The following ADM5 variants were observed in gnomAD, a reference collection of about 807,000 sequenced individuals.
ADM5 encodes putative adrenomedullin-5-like protein.
A neutral mutation model predicts 2.9 loss-of-function variants in ADM5; 1 was observed. The ratio of observed to expected loss-of-function variants is 0.35; its 90% CI spans 0.12 to 1.65. ADM5 has a LOEUF of 1.65. Ranked by LOEUF, ADM5 falls within the 40% of genes most tolerant of loss-of-function variation. The probability of loss-of-function intolerance (pLI) is 0.36; values close to 1 mark genes in which losing one functional copy is unlikely to be tolerated. For synonymous variants in ADM5, 90 were observed against 91.1 expected, an observed-to-expected ratio of 0.99 and a Z score of 0.07; for missense variants, 192 against 205.2, an observed-to-expected ratio of 0.94 and a Z score of 0.39.
In ADM5 at chr19:49,689,785, G is replaced by C; in HGVS notation, c.-53G>C. ...GAGGCGATCAGCCCGGTGCGGGAAC[G>C]GGGCGGGGTGGCCGCAACTACGGGC... On this transcript the variant is annotated 5_prime_UTR_variant, in exon 1 of 2. Coordinates refer to ENST00000420022, the MANE Select transcript of ADM5 (RefSeq NM_001101340.2). The C allele has an allele frequency of 2.5e-6, 4 of 1,605,554 alleles. No homozygotes were observed. In the South Asian group the frequency reaches 3.3e-5, roughly 13 times the overall value.
Position 49,690,436 on chromosome 19 carries a change from T to A in ADM5, c.405T>A (p.Ser135=). The A allele has an allele frequency of 6.5e-7, 1 of 1,545,476 alleles. No individual in the cohort carries two copies. The highest frequency in any genetic ancestry group is 8.8e-7 in the Non-Finnish European group (1 of 1,142,648). Residue 135 remains serine, a synonymous_variant, in exon 2 of 2, where the codon TCT becomes TCA. Transcript: ENST00000420022. This position sits in a 1 kb window ranked among gnomAD's most constrained non-coding sequence, Gnocchi z 4.4. ...TGGAGCTTCTACTCCACATTTCTTC[T>A]CCCCTAACTCCAGCCCCTGAAACCG... ...CMLELLLHIS[S]PLTPAPETVF... is the part of the protein sequence containing the mutation.
Position 49,690,574 on chromosome 19 carries a change from C to A in ADM5, c.*81C>A. On this transcript the variant is annotated 3_prime_UTR_variant, in exon 2 of 2. Coordinates refer to ENST00000420022, the MANE Select transcript of ADM5 (RefSeq NM_001101340.2). The surrounding 1 kb of genome is among the most constrained non-coding windows in gnomAD (Gnocchi z 4.4). ...CCGAATAAACAAGAGTTCCGTGTTT[C>A]AGTCTCTGCTTCTCTGTACCTATTT... The A allele has an allele frequency of 7.8e-7, 1 of 1,279,756 alleles. No individual in the cohort carries two copies. The highest frequency in any genetic ancestry group is 1.1e-6 in the Non-Finnish European group (1 of 944,262). The allele number at this position is 1,279,756 out of a possible 1,614,324, so 79.3% of individuals were successfully genotyped here.
At chr19:49,689,993 C>G in intron 1 of ADM5, 82 bp downstream of exon 1, 3 of 1,609,014 alleles carry the variant, frequency 1.9e-6, no homozygotes. Context: ...GCGGAACGGG[C>G]AGGTGATCTG....
chr19:49,689,707 C>A lies in ADM5; in HGVS notation c.-131C>A, dbSNP rs1227299514. ...CCACAGACTTTTGGCCTCAGTGTTCCCCGCCTGGGAAGTGGGGACTGGCCC... is the reference window on the plus strand; with the variant it reads ...CCACAGACTTTTGGCCTCAGTGTTCACCGCCTGGGAAGTGGGGACTGGCCC... On this transcript the variant is annotated 5_prime_UTR_variant, in exon 1 of 2. Transcript: ENST00000420022. 13 of 1,190,012 alleles carry A rather than the reference C, an allele frequency of 1.1e-5. No homozygotes were observed. Among genetic ancestry groups the A allele is most frequent in the Middle Eastern group, 2.1e-4 (1 of 4,676 alleles). 73.7% of individuals were successfully genotyped at this position (1,190,012 alleles called of 1,614,324 possible).
Position 49,690,286 on chromosome 19 carries a change from C to T in ADM5, c.255C>T (p.Gly85=). The change falls in exon 2 of 2, where the codon GGC becomes GGT. Residue 85 remains glycine, a synonymous_variant. Coordinates refer to ENST00000420022, the MANE Select transcript of ADM5 (RefSeq NM_001101340.2). This position sits in a 1 kb window ranked among gnomAD's most constrained non-coding sequence, Gnocchi z 4.4. ...TATGGGCGCCGCCGGTGGCGCGAGG[C>T]GGAAGCCCGGCTCGGTTCCCAGGAT... ...LQLWAPPVAR[G]GSPARFPGFR... is the part of the protein sequence containing the mutation. The T allele has an allele frequency of 6.4e-7, 1 of 1,551,418 alleles. No individual in the cohort carries two copies. The highest frequency in any genetic ancestry group is 1.2e-5 in the South Asian group (1 of 84,026).
chr19:49,690,270 C>A lies in ADM5; in HGVS notation c.239C>A (p.Pro80Gln). 1.3e-6 allele frequency: 2 copies of A among 1,551,560 alleles called. No individual in the cohort carries two copies. Among genetic ancestry groups the A allele is most frequent in the Middle Eastern group, 1.7e-4 (1 of 5,990 alleles). The change falls in exon 2 of 2, where the codon CCG becomes CAG. Residue 80 changes from proline to glutamine, a missense_variant. Pro to Gln is a moderately conservative substitution (Grantham distance 76). Coordinates refer to ENST00000420022, the MANE Select transcript of ADM5 (RefSeq NM_001101340.2). This position sits in a 1 kb window ranked among gnomAD's most constrained non-coding sequence, Gnocchi z 4.4. ...CCAGGACCCCTACAGCTATGGGCGC[C>A]GCCGGTGGCGCGAGGCGGAAGCCCG... ...RAPGPLQLWA[P>Q]PVARGGSPAR...
chr19:49,690,341 T>A lies in ADM5; in HGVS notation c.310T>A (p.Cys104Ser). The change falls in exon 2 of 2, where the codon TGC becomes AGC. Residue 104 changes from cysteine (C) to serine (S), a missense_variant. By Grantham distance (112) the Cys-to-Ser change is moderately radical. Coordinates refer to ENST00000420022, the MANE Select transcript of ADM5 (RefSeq NM_001101340.2). The surrounding 1 kb of genome is among the most constrained non-coding windows in gnomAD (Gnocchi z 4.4). ...GCCTGCAGCGAGGGGGCTAGCGCAG[T>A]GCCCAGCTCGCTGGGTGACCTCGGG... ...FRPAARGLAQ[C>S]PARWVTSGTA... The A allele has an allele frequency of 6.4e-7, 1 of 1,551,518 alleles. No individual in the cohort carries two copies. The highest frequency in any genetic ancestry group is 1.4e-5 in the African/African-American group (1 of 73,174).
At position 49,690,554 on chromosome 19, in the gene ADM5, T is replaced by A. The variant is rs1018592230; in HGVS notation, c.*61T>A. ...AAGAACACTGACGCCCAGAGCCGAA[T>A]AAACAAGAGTTCCGTGTTTCAGTCT... On this transcript the variant is annotated 3_prime_UTR_variant, in exon 2 of 2. Transcript: ENST00000420022. This position sits in a 1 kb window ranked among gnomAD's most constrained non-coding sequence, Gnocchi z 4.4. 1.5e-6 allele frequency: 2 copies of A among 1,367,360 alleles called. No individual in the cohort carries two copies. The highest frequency in any genetic ancestry group is 2.0e-6 in the Non-Finnish European group (2 of 1,022,668). 84.7% of individuals were successfully genotyped at this position (1,367,360 alleles called of 1,614,324 possible).
At position 49,690,436 on chromosome 19, in the gene ADM5, T is replaced by C; in HGVS notation, c.405T>C (p.Ser135=). The C allele has an allele frequency of 6.5e-7, 1 of 1,545,476 alleles. No individual in the cohort carries two copies. Among genetic ancestry groups the C allele is most frequent in the Non-Finnish European group, 8.8e-7 (1 of 1,142,648 alleles). Residue 135 remains serine, a synonymous_variant, in exon 2 of 2, where the codon TCT becomes TCC. Transcript: ENST00000420022. This position sits in a 1 kb window ranked among gnomAD's most constrained non-coding sequence, Gnocchi z 4.4. The part of the protein sequence containing the change: ...CMLELLLHIS[S]PLTPAPETVF... ...TGGAGCTTCTACTCCACATTTCTTC[T>C]CCCCTAACTCCAGCCCCTGAAACCG...
Position 49,689,700 on chromosome 19 carries a change from A to G in ADM5, c.-138A>G, listed in dbSNP as rs1218746259. ...CCTCTTCCCACAGACTTTTGGCCTC[A>G]GTGTTCCCCGCCTGGGAAGTGGGGA... On this transcript the variant is annotated 5_prime_UTR_variant, in exon 1 of 2. Transcript: ENST00000420022. The G allele has an allele frequency of 1.8e-6, 2 of 1,101,464 alleles. No individual in the cohort carries two copies. The highest frequency in any genetic ancestry group is 3.1e-5 in the African/African-American group (2 of 64,698). 68.2% of individuals were successfully genotyped at this position (1,101,464 alleles called of 1,614,324 possible).
chr19:49,690,199 T>G lies in ADM5; in HGVS notation c.168T>G (p.Ile56Met). The change falls in exon 2 of 2, where the codon ATT becomes ATG. Residue 56 changes from isoleucine (I) to methionine (M), a missense_variant. By Grantham distance (10) the Ile-to-Met change is conservative. Coordinates refer to ENST00000420022, the MANE Select transcript of ADM5 (RefSeq NM_001101340.2). This position sits in a 1 kb window ranked among gnomAD's most constrained non-coding sequence, Gnocchi z 4.4. ...GCCTGGCGGAGATCATATACTGGATTCGCTGTCTCCACCAAGGAGCCCTCG... is the reference window on the plus strand; with the variant it reads ...GCCTGGCGGAGATCATATACTGGATGCGCTGTCTCCACCAAGGAGCCCTCG... ...THRLAEIIYWIRCLHQGALGE... is the reference protein window; with the variant it reads ...THRLAEIIYWMRCLHQGALGE... 3 of 1,562,404 alleles carry G rather than the reference T, an allele frequency of 1.9e-6. No homozygotes were observed. The South Asian group carries it at 3.5e-5, about 18-fold the overall frequency.
chr19:49,690,016 C>T lies in ADM5; in HGVS notation c.75-90C>T, dbSNP rs1394212513. ...GGCAGGTGATCTGTAAGCCTCCCCG[C>T]TGGTCTTGGAGTGCTTGGGTGCCCA... On this transcript the variant is annotated intron_variant, in intron 1 of 1. Transcript: ENST00000420022. This position sits in a 1 kb window ranked among gnomAD's most constrained non-coding sequence, Gnocchi z 4.4. 1.2e-6 allele frequency: 2 copies of T among 1,600,178 alleles called. No individual in the cohort carries two copies. Among genetic ancestry groups the T allele is most frequent in the South Asian group, 1.1e-5 (1 of 89,872 alleles).
At position 49,690,263 on chromosome 19, in the gene ADM5, TGG is replaced by T; in HGVS notation, c.234_235del (p.Trp78CysfsTer64). 1 of 1,551,662 alleles carries T rather than the reference TGG, an allele frequency of 6.4e-7. No homozygotes were observed. The highest frequency in any genetic ancestry group is 8.7e-7 in the Non-Finnish European group (1 of 1,146,980). On this transcript the variant is annotated frameshift_variant, in exon 2 of 2. Coordinates refer to ENST00000420022, the MANE Select transcript of ADM5 (RefSeq NM_001101340.2). LOFTEE classifies it low-confidence loss of function (END_TRUNC). This position sits in a 1 kb window ranked among gnomAD's most constrained non-coding sequence, Gnocchi z 4.4. ...ACGAGCCCCAGGACCCCTACAGCTA[TGG>T]GCGCCGCCGGTGGCGCGAGGCGGAA... ...QPRAPGPLQL[W>X]APPVARGGSP...
rs776597429 is a variant in ADM5 at position 49,690,178 on chromosome 19, G to A, written c.147G>A (p.Leu49=). ...CYLGVCRTHR[L]AEIIYWIRCL... is the part of the protein sequence containing the mutation. ...TGGGCGTATGCCGGACCCACCGCCTGGCGGAGATCATATACTGGATTCGCT... is the reference window on the plus strand; with the variant it reads ...TGGGCGTATGCCGGACCCACCGCCTAGCGGAGATCATATACTGGATTCGCT... Residue 49 remains leucine, a synonymous_variant, in exon 2 of 2, where the codon CTG becomes CTA. Coordinates refer to ENST00000420022, the MANE Select transcript of ADM5 (RefSeq NM_001101340.2). This position sits in a 1 kb window ranked among gnomAD's most constrained non-coding sequence, Gnocchi z 4.4. 18 of 1,566,928 alleles carry A rather than the reference G, an allele frequency of 1.1e-5. 1 individual carries two copies. In the South Asian group the frequency reaches 1.3e-4, roughly 11 times the overall value.
rs1195228370 is a variant in ADM5, at chr19:49,690,383, C to T, written c.352C>T (p.Leu118Phe). The T allele has an allele frequency of 6.4e-7, 1 of 1,551,464 alleles. No individual in the cohort carries two copies. Among genetic ancestry groups the T allele is most frequent in the Non-Finnish European group, 8.7e-7 (1 of 1,146,904 alleles). The change falls in exon 2 of 2, where the codon CTC becomes TTC. Residue 118 changes from leucine to phenylalanine, a missense_variant. Physicochemically the swap from Leu to Phe is conservative, Grantham distance 22. Coordinates refer to ENST00000420022, the MANE Select transcript of ADM5 (RefSeq NM_001101340.2). The surrounding 1 kb of genome is among the most constrained non-coding windows in gnomAD (Gnocchi z 4.4). ...GACCTCGGGCACGGCTCGTCCCCTC[C>T]TCGGCTTCAGTTTGCCTATCTGTAT... ...WVTSGTARPLLGFSLPICMLE... is the reference protein window; with the variant it reads ...WVTSGTARPLFGFSLPICMLE...
In ADM5 at chr19:49,690,309, G is replaced by A. The variant is rs1307739501; in HGVS notation, c.278G>A (p.Gly93Glu). ...ARGGSPARFP[G>E]FRPAARGLAQ... The stretch of plus-strand genomic sequence containing the variant: ...GGCGGAAGCCCGGCTCGGTTCCCAG[G>A]ATTCCGGCCTGCAGCGAGGGGGCTA... Residue 93 changes from glycine (G) to glutamate (E), a missense_variant, in exon 2 of 2, where the codon GGA (glycine) becomes GAA (glutamate). Gly to Glu is a moderately conservative substitution (Grantham distance 98). Coordinates refer to ENST00000420022, the MANE Select transcript of ADM5 (RefSeq NM_001101340.2). The surrounding 1 kb of genome is among the most constrained non-coding windows in gnomAD (Gnocchi z 4.4). The A allele has an allele frequency of 1.4e-5, 22 of 1,551,258 alleles. No individual in the cohort carries two copies. In the East Asian group the frequency reaches 5.4e-4, roughly 38 times the overall value.
At chr19:49,689,937 A>G (rs369071772) in intron 1 of ADM5, 26 bp downstream of exon 1, 59 of 1,613,748 alleles carry the variant, frequency 3.7e-5, no homozygotes, top group Non-Finnish European at 4.3e-5. Flanking sequence ...GGCAGCAGGG[A>G]CAGGGCGGGA....
At position 49,690,267 on chromosome 19, in the gene ADM5, C is replaced by A; in HGVS notation, c.236C>A (p.Ala79Glu). The change falls in exon 2 of 2, where the codon GCG becomes GAG. Residue 79 changes from alanine (A) to glutamate (E), a missense_variant. By Grantham distance (107) the Ala-to-Glu change is moderately radical. Coordinates refer to ENST00000420022, the MANE Select transcript of ADM5 (RefSeq NM_001101340.2). This position sits in a 1 kb window ranked among gnomAD's most constrained non-coding sequence, Gnocchi z 4.4. ...PRAPGPLQLW[A>E]PPVARGGSPA... ...GCCCCAGGACCCCTACAGCTATGGG[C>A]GCCGCCGGTGGCGCGAGGCGGAAGC... 6.4e-7 allele frequency: 1 copy of A among 1,551,680 alleles called. No homozygotes were observed. Among genetic ancestry groups the A allele is most frequent in the South Asian group, 1.2e-5 (1 of 84,068 alleles).
Position 49,689,698 on chromosome 19 carries a change from T to C in ADM5, c.-140T>C. On this transcript the variant is annotated 5_prime_UTR_variant, in exon 1 of 2. Coordinates refer to ENST00000420022, the MANE Select transcript of ADM5 (RefSeq NM_001101340.2). ...GGCCTCTTCCCACAGACTTTTGGCC[T>C]CAGTGTTCCCCGCCTGGGAAGTGGG... is the stretch of plus-strand genomic sequence containing the variant. The C allele has an allele frequency of 1.8e-6, 2 of 1,090,312 alleles. No homozygotes were observed. Among genetic ancestry groups the C allele is most frequent in the South Asian group, 1.4e-5 (1 of 71,822 alleles). 67.5% of individuals were successfully genotyped at this position (1,090,312 alleles called of 1,614,324 possible). A position where few individuals can be genotyped will look rare whatever the true frequency, so the allele number is the denominator to read the frequency against.
Sources: allele counts gnomAD v4.1 joint callset, GRCh38; gene constraint gnomAD v4.1.1; non-coding constraint Gnocchi (gnomAD v3.1); transcripts MANE v1.5; gene names NCBI Gene and HGNC (gene_info 2026-07-23, HGNC 2026-07-21).